The following SYNE1 variants were observed in gnomAD, a reference collection of about 807,000 sequenced individuals.
SYNE1 encodes nesprin-1.
SYNE1 carries 616 observed loss-of-function variants against 1,111.0 expected under a neutral mutation model. The ratio of observed to expected loss-of-function variants is 0.55; its 90% CI spans 0.52 to 0.59. SYNE1 has a LOEUF of 0.59. Among genes scored for constraint, SYNE1 ranks in the 20% least tolerant of loss-of-function variants. SYNE1 has a pLI of 0.00. For synonymous variants in SYNE1, 3,855 were observed against 3,825.8 expected (o/e 1.01, Z -0.28); for missense variants, 10,006 against 10,417.0 (o/e 0.96, Z 1.72).
intron 96 of SYNE1, among the ~76,000 whole-genome samples, chr6:152,283,729 G>A (rs184691436): frequency 3.3e-5 from 5 of 152,092 alleles, no homozygotes; most frequent in Admixed American, 2.6e-4. Flanking sequence ...TAGAGACAGG[G>A]TTTCACTATG....
chr6:152,255,496 G>T, intron 103 of SYNE1, 95 bp downstream of exon 103: 1 of 1,376,674 alleles, frequency 7.3e-7, no homozygotes, highest in Non-Finnish European at 1.0e-6. Context: ...ATTGTTTTAT[G>T]TTTGACTTTC....
At chr6:152,528,103 A>C (rs1227006122) in intron 4 of SYNE1, among the ~76,000 whole-genome samples, 1 of 152,178 alleles carries the variant, frequency 6.6e-6, no homozygotes, top group Non-Finnish European at 1.5e-5. Context: ...CAGACTGCCT[A>C]GTTCACAGCC....
chr6:152,204,732 C>T (rs530752721), intron 126 of SYNE1, among the ~76,000 whole-genome samples: 91 of 152,162 alleles, frequency 6.0e-4, no homozygotes, highest in African/African-American at 2.0e-3. Flanking sequence ...CCTTTTATGA[C>T]GTGAATTATA....
intron 107 of SYNE1, among the ~76,000 whole-genome samples, chr6:152,240,026 C>G (rs1275900679): frequency 6.6e-6 from 1 of 152,160 alleles, no homozygotes; most frequent in Non-Finnish European, 1.5e-5. Context: ...CCACTGCACT[C>G]CAGCCTGGGT....
At position 152,188,984 on chromosome 6, in the gene SYNE1, A is replaced by AAAT. The variant is rs1554517206; in HGVS notation, c.23301+267_23301+268insATT. 9.1e-4 allele frequency among the ~76,000 whole-genome samples: 21 copies of AAAT among 23,014 alleles called. 2 individuals carry two copies. Among genetic ancestry groups the AAAT allele is most frequent in the Non-Finnish European group, 1.3e-3 (16 of 12,388 alleles). The allele number at this position is 23,014 out of a possible 152,430, so 15.1% of individuals were successfully genotyped here. A position where few individuals can be genotyped will look rare whatever the true frequency, so the allele number is the denominator to read the frequency against. ...AAAAAAAAAAAAAAAAAAAAAAAAA[A>AAAT]ATATATATATATATATATATATATA... is the stretch of plus-strand genomic sequence containing the variant. On this transcript the variant is annotated intron_variant, in intron 128 of 145. Coordinates refer to ENST00000367255, the MANE Select transcript of SYNE1 (RefSeq NM_182961.4).
chr6:152,138,378 G>A (rs1182454898), intron 140 of SYNE1, among the ~76,000 whole-genome samples: 1 of 152,014 alleles, frequency 6.6e-6, no homozygotes, highest in Non-Finnish European at 1.5e-5. Flanking sequence ...GGGCATGGTG[G>A]TGCATGCCTG....
chr6:152,358,628 GTATAAT>G, intron 65 of SYNE1, 91 bp from the exon 66 acceptor site: 1 of 1,302,370 alleles, frequency 7.7e-7, no homozygotes, highest in South Asian at 1.3e-5. Flanking sequence ...TTTTAGAAAA[GTATAAT>G]TATTGAGACA....
chr6:152,441,090 G>T (rs1296201943), intron 32 of SYNE1, 40 bp downstream of exon 32: 9 of 1,610,872 alleles, frequency 5.6e-6, no homozygotes, highest in Non-Finnish European at 7.6e-6. Flanking sequence ...GTTTTGCTTT[G>T]TTTTTTCTGA....
intron 3 of SYNE1, among the ~76,000 whole-genome samples, chr6:152,609,815 C>T (rs1181028524): frequency 6.6e-6 from 1 of 152,204 alleles, no homozygotes; most frequent in African/African-American, 2.4e-5. Context: ...GCAATATTTG[C>T]TGTTCTCCAG....
chr6:152,621,686 G>A (rs1744380), intron 3 of SYNE1, among the ~76,000 whole-genome samples: 107,671 of 151,216 alleles, frequency 0.71, 38,365 homozygotes, highest in East Asian at 0.82. Flanking sequence ...CATGAAGCGC[G>A]ATGGATGAAA....
chr6:152,571,253 G>A (rs818443), intron 3 of SYNE1, among the ~76,000 whole-genome samples: 115,633 of 152,138 alleles, frequency 0.76, 44,044 homozygotes, highest in African/African-American at 0.81. Flanking sequence ...AGAACAGGAA[G>A]CAAAGTACTG....
In SYNE1 at chr6:152,179,673, CTTTTTTTTTTT is replaced by C. The variant is rs796260764; in HGVS notation, c.23460+452_23460+462del. On this transcript the variant is annotated intron_variant, in intron 129 of 145. Coordinates refer to ENST00000367255, the MANE Select transcript of SYNE1 (RefSeq NM_182961.4). ...GCAAGTTTATTTTATGCTGGATATC[CTTTTTTTTTTT>C]TTTTTTTTTTTTTTTTTTTGAGACA... Among the ~76,000 whole-genome samples the C allele has an allele frequency of 4.7e-3, 258 of 55,098 alleles. 9 individuals carry two copies. In the East Asian group the frequency reaches 0.15, roughly 32 times the overall value. 36.1% of individuals were successfully genotyped at this position (55,098 alleles called of 152,430 possible).
At chr6:152,172,236 C>T (rs1248378266) in intron 130 of SYNE1, among the ~76,000 whole-genome samples, 1 of 151,914 alleles carries the variant, frequency 6.6e-6, no homozygotes, top group African/African-American at 2.4e-5. Context: ...TTGGGACTGA[C>T]GAAAGTGTTT....
At chr6:152,294,806 T>A (rs2094789929) in intron 93 of SYNE1, among the ~76,000 whole-genome samples, 1 of 152,190 alleles carries the variant, frequency 6.6e-6, no homozygotes, top group Admixed American at 6.5e-5. Context: ...TTATTTGTAC[T>A]GATAAAATTT....
At chr6:152,368,940 C>T in intron 61 of SYNE1, 32 bp downstream of exon 61, 1 of 1,613,890 alleles carries the variant, frequency 6.2e-7, no homozygotes, top group Non-Finnish European at 8.5e-7. Flanking sequence ...ACATCAGTAT[C>T]ACACTCACAC....
Position 152,453,568 on chromosome 6 carries a change from C to T in SYNE1, c.3027+18G>A. The T allele has an allele frequency of 1.9e-6, 3 of 1,614,198 alleles. No homozygotes were observed. The highest frequency in any genetic ancestry group is 1.1e-5 in the South Asian group (1 of 91,090). The stretch of plus-strand genomic sequence containing the variant: ...CTTCATTGAGGATGCACGGTGTCTC[C>T]GTCCTGTCCTGACTCACCTTCCATT... On this transcript the variant is annotated intron_variant, in intron 25 of 145. Coordinates refer to ENST00000367255, the MANE Select transcript of SYNE1 (RefSeq NM_182961.4).
In SYNE1 at chr6:152,224,548, G is replaced by C; in HGVS notation, c.21468C>G (p.Phe7156Leu). Residue 7156 changes from phenylalanine to leucine, a missense_variant, in exon 117 of 146, where the codon TTC (phenylalanine) becomes TTG (leucine). Phe to Leu is a conservative substitution (Grantham distance 22). Coordinates refer to ENST00000367255, the MANE Select transcript of SYNE1 (RefSeq NM_182961.4). ...LMEARYSLSRFRLLTGSLEAV... is the reference protein window; with the variant it reads ...LMEARYSLSRLRLLTGSLEAV... ...CTTCTAAGGAGCCAGTCAGCAGACG[G>C]AATCGGGAAAGAGAGTATCTGGCCT... The C allele has an allele frequency of 6.2e-7, 1 of 1,614,046 alleles. No individual in the cohort carries two copies. The highest frequency in any genetic ancestry group is 8.5e-7 in the Non-Finnish European group (1 of 1,179,956).
At chr6:152,122,799 G>A in intron 145 of SYNE1, 123 bp from the exon 146 acceptor site, 1 of 1,479,742 alleles carries the variant, frequency 6.8e-7, no homozygotes, top group Non-Finnish European at 9.2e-7. Context: ...CTGGCGATCA[G>A]CTGCCAGCCT....
intron 6 of SYNE1, among the ~76,000 whole-genome samples, chr6:152,512,477 T>A (rs1170563289): frequency 6.6e-6 from 1 of 152,208 alleles, no homozygotes; most frequent in Non-Finnish European, 1.5e-5. Context: ...TTTCTCCACA[T>A]CCATTTTAGC....
Sources: gnomAD v4.1 joint callset for allele counts (sites outside exome capture counted in the v4.1 genomes callset) on GRCh38, gnomAD v4.1.1 for gene constraint, MANE v1.5 for transcripts, NCBI Gene and HGNC (gene_info 2026-07-23, HGNC 2026-07-21) for gene names.